Variants in ATRNL1 observed in about 807,000 individuals in gnomAD.
The protein encoded by ATRNL1 is attractin like 1.
In ATRNL1, 95 loss-of-function variants were observed where a neutral mutation model predicts 182.7. The ratio of observed to expected loss-of-function variants is 0.52; its 90% confidence interval spans 0.44 to 0.62. ATRNL1 has a LOEUF of 0.62. Ranked by LOEUF, ATRNL1 falls within the 20% of genes least tolerant of loss-of-function variation. ATRNL1 has a pLI of 0.00. For synonymous variants in ATRNL1, 576 were observed against 568.3 expected, an observed-to-expected ratio of 1.01 and a Z score of -0.19; for missense variants, 1,471 against 1,679.5, an observed-to-expected ratio of 0.88 and a Z score of 2.17.
intron 26 of ATRNL1, among the ~76,000 whole-genome samples, chr10:115,592,008 A>T (rs1343002672): frequency 1.3e-5 from 2 of 152,220 alleles, no homozygotes; most frequent in Non-Finnish European, 2.9e-5. Context: ...AGAAAAAATC[A>T]TGCCCTGTGC....
At chr10:115,174,892 A>G (rs1388448504) in intron 8 of ATRNL1, among the ~76,000 whole-genome samples, 1 of 151,930 alleles carries the variant, frequency 6.6e-6, no homozygotes, top group Non-Finnish European at 1.5e-5. Flanking sequence ...GGGAAAATTC[A>G]TGCCCCAAAG....
intron 19 of ATRNL1, among the ~76,000 whole-genome samples, chr10:115,372,828 T>G (rs1857467069): frequency 6.6e-6 from 1 of 152,204 alleles, no homozygotes; most frequent in Non-Finnish European, 1.5e-5. Context: ...TTCGTTCTTT[T>G]TGCTCATTAT....
intron 26 of ATRNL1, among the ~76,000 whole-genome samples, chr10:115,660,530 TG>T (rs1322163507): frequency 6.6e-6 from 1 of 151,914 alleles, no homozygotes; most frequent in Admixed American, 6.6e-5. Context: ...GATGAAGCAG[TG>T]GGGGCAGTAA....
chr10:115,203,577 CT>C (rs34988501), intron 8 of ATRNL1, among the ~76,000 whole-genome samples: 19,666 of 122,298 alleles, frequency 0.16, 1,201 homozygotes, highest in Non-Finnish European at 0.22. Context: ...ATTGGGCCAC[CT>C]TTTTTTTTTT....
intron 8 of ATRNL1, among the ~76,000 whole-genome samples, chr10:115,211,290 A>G (rs1402386139): frequency 6.6e-6 from 1 of 150,996 alleles, no homozygotes; most frequent in Non-Finnish European, 1.5e-5. Flanking sequence ...TAATTCCTGA[A>G]GGATAGTTTC....
intron 27 of ATRNL1, among the ~76,000 whole-genome samples, chr10:115,793,697 C>T (rs1471402130): frequency 6.6e-6 from 1 of 151,918 alleles, no homozygotes; most frequent in Non-Finnish European, 1.5e-5. Context: ...TATTGACTAC[C>T]CACTATATTT....
intron 8 of ATRNL1, among the ~76,000 whole-genome samples, chr10:115,189,345 GA>G (rs199828663): frequency 3.3e-5 from 5 of 150,606 alleles, no homozygotes; most frequent in Non-Finnish European, 7.4e-5. Flanking sequence ...CTACTTACAA[GA>G]AAAAAAAACT....
chr10:115,500,314 T>G (rs1554979772), intron 24 of ATRNL1, among the ~76,000 whole-genome samples: 1 of 152,170 alleles, frequency 6.6e-6, no homozygotes, highest in East Asian at 1.9e-4. Flanking sequence ...GGAAAACAAA[T>G]TGAAAACATT....
At chr10:115,623,982 A>G (rs1173444626) in intron 26 of ATRNL1, among the ~76,000 whole-genome samples, 1 of 152,144 alleles carries the variant, frequency 6.6e-6, no homozygotes, top group Non-Finnish European at 1.5e-5. Context: ...AAATTGTAAA[A>G]AAAATGAATA....
chr10:115,125,799 TC>T (rs1253792881), intron 3 of ATRNL1, among the ~76,000 whole-genome samples: 1 of 152,124 alleles, frequency 6.6e-6, no homozygotes, highest in Non-Finnish European at 1.5e-5. Flanking sequence ...TTCTGTAAAA[TC>T]CCTGAAATTA....
intron 26 of ATRNL1, among the ~76,000 whole-genome samples, chr10:115,645,496 A>T (rs1859548542): frequency 6.8e-6 from 1 of 147,492 alleles, no homozygotes; most frequent in South Asian, 2.1e-4. Flanking sequence ...ATAGAGATTT[A>T]TATATATATA....
chr10:115,529,137 T>C (rs1352546380), intron 25 of ATRNL1, among the ~76,000 whole-genome samples: 8 of 152,094 alleles, frequency 5.3e-5, no homozygotes, highest in Non-Finnish European at 1.0e-4. Context: ...TGGTGGTTTA[T>C]TGCATTGCTC....
intron 19 of ATRNL1, among the ~76,000 whole-genome samples, chr10:115,351,584 C>T (rs189535560): frequency 5.3e-4 from 80 of 152,038 alleles, no homozygotes; most frequent in Non-Finnish European, 7.7e-4. Context: ...TCACATTTAT[C>T]GATTTGTATG....
intron 26 of ATRNL1, among the ~76,000 whole-genome samples, chr10:115,556,281 T>G (rs1321018780): frequency 2.0e-5 from 3 of 152,160 alleles, no homozygotes; most frequent in Non-Finnish European, 4.4e-5. Flanking sequence ...TCTTATATGA[T>G]TATTTAGATA....
chr10:115,555,643 C>T (rs1853270289), intron 26 of ATRNL1, among the ~76,000 whole-genome samples: 1 of 151,806 alleles, frequency 6.6e-6, no homozygotes, highest in Non-Finnish European at 1.5e-5. Context: ...AATCCCAGCC[C>T]TCAAAAATGT....
chr10:115,290,215 G>A (rs1554920392), intron 15 of ATRNL1, among the ~76,000 whole-genome samples: 2 of 151,952 alleles, frequency 1.3e-5, no homozygotes, highest in Non-Finnish European at 2.9e-5. Flanking sequence ...TGTTGATTTT[G>A]TAACCTGAAA....
intron 5 of ATRNL1, among the ~76,000 whole-genome samples, chr10:115,142,619 A>C (rs1845797991): frequency 6.6e-6 from 1 of 152,188 alleles, no homozygotes; most frequent in South Asian, 2.1e-4. Context: ...GCAGAAGATT[A>C]GTATTATGTG....
chr10:115,217,319 C>A (rs1364029242), intron 9 of ATRNL1, among the ~76,000 whole-genome samples: 1 of 152,120 alleles, frequency 6.6e-6, no homozygotes, highest in Non-Finnish European at 1.5e-5. Flanking sequence ...AACTCCTGAC[C>A]TCAGGTGATC....
intron 3 of ATRNL1, among the ~76,000 whole-genome samples, chr10:115,124,473 C>T (rs1211842906): frequency 6.6e-6 from 1 of 152,124 alleles, no homozygotes; most frequent in Non-Finnish European, 1.5e-5. Flanking sequence ...GTATCACCAA[C>T]AGGGAAGCTC....
Sources: allele counts gnomAD v4.1 joint callset (sites outside exome capture counted in the v4.1 genomes callset), GRCh38; gene constraint gnomAD v4.1.1; transcripts MANE v1.5; gene names NCBI Gene and HGNC (gene_info 2026-07-23, HGNC 2026-07-21).